Variants in ANKFN1 observed in about 807,000 individuals in gnomAD.
ANKFN1 encodes ankyrin repeat and fibronectin type III domain containing 1.
A neutral mutation model predicts 108.7 loss-of-function variants in ANKFN1; 74 were observed. That is an observed-to-expected ratio of 0.68 (90% confidence interval 0.56 to 0.83). The LOEUF (loss-of-function observed/expected upper bound fraction) is 0.83, where lower values mean the gene tolerates loss of function less well. ANKFN1 is among the 40% of genes least tolerant of loss of function. ANKFN1 has a pLI of 0.00. For missense variants in ANKFN1, 1,505 were observed against 1,382.3 expected, an observed-to-expected ratio of 1.09 and a Z score of -1.41; for synonymous variants, 547 against 516.2, an observed-to-expected ratio of 1.06 and a Z score of -0.81.
intron 4 of ANKFN1, among the ~76,000 whole-genome samples, chr17:56,078,851 C>T (rs1905212365): frequency 6.6e-6 from 1 of 152,180 alleles, no homozygotes; most frequent in Non-Finnish European, 1.5e-5. Context: ...GACTTATTTT[C>T]TTGAGTAAAG....
At chr17:56,253,290 C>A (rs1407184409) in intron 3 of ANKFN1, among the ~76,000 whole-genome samples, 1 of 152,198 alleles carries the variant, frequency 6.6e-6, no homozygotes, top group East Asian at 1.9e-4. Flanking sequence ...AGAAATACAA[C>A]TGCTCTCACC....
At chr17:56,193,636 C>G (rs1249236145) in intron 1 of ANKFN1, among the ~76,000 whole-genome samples, 3 of 148,884 alleles carry the variant, frequency 2.0e-5, no homozygotes, top group East Asian at 1.9e-4. Flanking sequence ...AAAATTAACT[C>G]AAGATGGATC....
chr17:56,381,715 G>A (rs1190640758), intron 8 of ANKFN1, among the ~76,000 whole-genome samples: 1 of 152,174 alleles, frequency 6.6e-6, no homozygotes, highest in Non-Finnish European at 1.5e-5. Context: ...ATGAAATGAA[G>A]CGAGAAGGGA....
At position 56,349,169 on chromosome 17, in the gene ANKFN1, C is replaced by G. The variant is rs188794959; in HGVS notation, c.189-1597C>G. Reference sequence around the variant, plus strand: ...ACACGTTCTCACTTATAAGTAGGAGCTGGATGATGAGAACACATGGACACA... The same window carrying G: ...ACACGTTCTCACTTATAAGTAGGAGGTGGATGATGAGAACACATGGACACA... On this transcript the variant is annotated intron_variant, in intron 4 of 20. Coordinates refer to ENST00000682825, the MANE Select transcript of ANKFN1 (RefSeq NM_001370326.1). Among the ~76,000 whole-genome samples, 436 of 152,090 alleles carry G rather than the reference C, an allele frequency of 2.9e-3. 3 individuals are homozygous for G. The highest frequency in any genetic ancestry group is 0.01 in the African/African-American group (418 of 41,496).
intron 20 of ANKFN1, among the ~76,000 whole-genome samples, chr17:56,499,573 T>C (rs560023041): frequency 6.6e-6 from 1 of 152,248 alleles, no homozygotes. Context: ...TATAGCACAA[T>C]GTTCTAGAGT....
chr17:56,163,632 A>T (rs1909886287), intron 1 of ANKFN1, among the ~76,000 whole-genome samples: 2 of 152,142 alleles, frequency 1.3e-5, no homozygotes, highest in Admixed American at 1.3e-4. Flanking sequence ...GAGGTAGCTT[A>T]CTCCTGAAAG....
intron 3 of ANKFN1, among the ~76,000 whole-genome samples, chr17:56,241,857 A>G (rs1359441808): frequency 1.3e-5 from 2 of 152,098 alleles, no homozygotes; most frequent in African/African-American, 4.8e-5. Flanking sequence ...TACTCAGACA[A>G]TGAATTTCAT....
chr17:56,371,012 T>C (rs1156245348), intron 6 of ANKFN1, among the ~76,000 whole-genome samples: 6 of 152,086 alleles, frequency 3.9e-5, no homozygotes, highest in Admixed American at 3.3e-4. Flanking sequence ...TCCACAGCAC[T>C]TATATTATCA....
At chr17:56,142,929 C>T (rs1333642595) in intron 4 of ANKFN1, among the ~76,000 whole-genome samples, 1 of 152,098 alleles carries the variant, frequency 6.6e-6, no homozygotes, top group South Asian at 2.1e-4. Flanking sequence ...ACCATTTTTT[C>T]TATTTGGTCA....
intron 4 of ANKFN1, among the ~76,000 whole-genome samples, chr17:56,135,408 C>A (rs1252797452): frequency 1.3e-5 from 2 of 152,146 alleles, no homozygotes. Context: ...CTAAACCACA[C>A]AATGGAGGAA....
chr17:56,481,515 C>G (rs1449331770), intron 17 of ANKFN1, among the ~76,000 whole-genome samples: 1 of 151,890 alleles, frequency 6.6e-6, no homozygotes, highest in African/African-American at 2.4e-5. Flanking sequence ...CACACACGCA[C>G]ACACACACAC....
chr17:56,352,892 G>A (rs1183869655), intron 5 of ANKFN1, among the ~76,000 whole-genome samples: 1 of 152,172 alleles, frequency 6.6e-6, no homozygotes, highest in Non-Finnish European at 1.5e-5. Context: ...ACCAAGACTA[G>A]CAGCAGACAG....
chr17:56,166,262 C>T (rs993165177), intron 1 of ANKFN1, among the ~76,000 whole-genome samples: 21 of 152,106 alleles, frequency 1.4e-4, no homozygotes, highest in Admixed American at 6.5e-5. Context: ...TCTCAGTTTT[C>T]GTGAATGTGA....
intron 3 of ANKFN1, among the ~76,000 whole-genome samples, chr17:56,238,368 A>G (rs941725931): frequency 6.6e-6 from 1 of 152,220 alleles, no homozygotes; most frequent in Non-Finnish European, 1.5e-5. Flanking sequence ...AAATACTGTC[A>G]GTGGAGTGTT....
intron 4 of ANKFN1, among the ~76,000 whole-genome samples, chr17:56,070,167 A>G (rs1029153051): frequency 6.6e-6 from 1 of 152,206 alleles, no homozygotes; most frequent in Non-Finnish European, 1.5e-5. Flanking sequence ...AATGCAGCCC[A>G]GTAGGTCTCC....
intron 1 of ANKFN1, among the ~76,000 whole-genome samples, chr17:56,170,805 T>TACACACACAC (rs1383558821): frequency 2.6e-4 from 19 of 72,126 alleles, no homozygotes; most frequent in South Asian, 6.5e-4. Flanking sequence ...TATATATATA[T>TACACACACAC]ATACACACAC....
chr17:56,203,445 C>A (rs1199096810), intron 1 of ANKFN1, among the ~76,000 whole-genome samples: 1 of 152,182 alleles, frequency 6.6e-6, no homozygotes, highest in African/African-American at 2.4e-5. Context: ...CCTCAATATT[C>A]ATTCCTGATC....
At chr17:56,241,342 G>T (rs975819200) in intron 3 of ANKFN1, among the ~76,000 whole-genome samples, 3 of 152,002 alleles carry the variant, frequency 2.0e-5, no homozygotes. Flanking sequence ...GTGAAGTAGG[G>T]GGTCTAACTT....
chr17:56,229,165 C>T (rs1239687759), intron 3 of ANKFN1, among the ~76,000 whole-genome samples: 1 of 152,096 alleles, frequency 6.6e-6, no homozygotes, highest in Non-Finnish European at 1.5e-5. Context: ...CAACGTATTA[C>T]GCATTCACTG....
Sources: allele counts gnomAD v4.1 joint callset (sites outside exome capture counted in the v4.1 genomes callset), GRCh38; gene constraint gnomAD v4.1.1; transcripts MANE v1.5; gene names NCBI Gene and HGNC (gene_info 2026-07-23, HGNC 2026-07-21).